FHIT: variants seen among roughly 807,000 people sequenced by gnomAD.
The protein encoded by FHIT is fragile histidine triad diadenosine triphosphatase.
FHIT carries 19 observed loss-of-function variants against 17.9 expected under a neutral mutation model. That is an observed-to-expected ratio of 1.06 (90% CI 0.74 to 1.56). The LOEUF (loss-of-function observed/expected upper bound fraction) is 1.56. Among genes scored for constraint, FHIT ranks in the 40% most tolerant of loss-of-function variants. FHIT has a pLI of 0.00. For synonymous variants in FHIT, 81 were observed against 69.7 expected, an observed-to-expected ratio of 1.16 and a Z score of -0.81; for missense variants, 248 against 189.2, an observed-to-expected ratio of 1.31 and a Z score of -1.82.
At chr3:61,087,901 CAA>C (rs1371900357) in intron 2 of FHIT, among the ~76,000 whole-genome samples, 1 of 152,016 alleles carries the variant, frequency 6.6e-6, no homozygotes, top group Non-Finnish European at 1.5e-5. Flanking sequence ...CAGTATCTCA[CAA>C]AATTGAAAGG....
intron 3 of FHIT, among the ~76,000 whole-genome samples, chr3:60,970,000 G>A (rs1023291295): frequency 6.6e-6 from 1 of 151,988 alleles, no homozygotes; most frequent in African/African-American, 2.4e-5. Flanking sequence ...GAATTTTTTG[G>A]TTTTGTAGAG....
At chr3:61,005,158 G>C (rs556794084) in intron 3 of FHIT, among the ~76,000 whole-genome samples, 1 of 152,228 alleles carries the variant, frequency 6.6e-6, no homozygotes, top group East Asian at 1.9e-4. Context: ...AGTAAATGAA[G>C]CTCAGATATG....
chr3:60,361,060 G>A (rs1699886754), intron 5 of FHIT, among the ~76,000 whole-genome samples: 1 of 152,124 alleles, frequency 6.6e-6, no homozygotes. Flanking sequence ...TCCTGGTGAT[G>A]GCTCCCTGTT....
chr3:59,857,517 T>C (rs1180084132), intron 8 of FHIT, among the ~76,000 whole-genome samples: 1 of 129,264 alleles, frequency 7.7e-6, no homozygotes, highest in East Asian at 2.3e-4. Flanking sequence ...TCTTTCATAT[T>C]TTCATAGGAC....
intron 5 of FHIT, among the ~76,000 whole-genome samples, chr3:60,030,111 T>C (rs1472705578): frequency 1.3e-5 from 2 of 152,164 alleles, no homozygotes; most frequent in Non-Finnish European, 2.9e-5. Context: ...TCCTGAACTC[T>C]GAATGCATCA....
At chr3:61,062,580 C>T (rs60760483) in intron 2 of FHIT, among the ~76,000 whole-genome samples, 7,669 of 152,174 alleles carry the variant, frequency 0.05, 626 homozygotes, top group African/African-American at 0.17. Flanking sequence ...GACTCTCCAA[C>T]GTCAGTAGAG....
chr3:61,040,008 G>A (rs1482102582), intron 3 of FHIT, among the ~76,000 whole-genome samples: 1 of 152,166 alleles, frequency 6.6e-6, no homozygotes, highest in Non-Finnish European at 1.5e-5. Context: ...AAGAGCATCA[G>A]AATGAAATAA....
intron 5 of FHIT, among the ~76,000 whole-genome samples, chr3:60,206,010 A>G (rs1158383153): frequency 2.0e-5 from 3 of 151,054 alleles, no homozygotes; most frequent in Non-Finnish European, 3.0e-5. Flanking sequence ...GCAGGCACCT[A>G]TAGTCCCAGC....
intron 7 of FHIT, among the ~76,000 whole-genome samples, chr3:59,956,522 G>C (rs1346319912): frequency 6.6e-6 from 1 of 152,088 alleles, no homozygotes; most frequent in African/African-American, 2.4e-5. Flanking sequence ...ACAAACATTA[G>C]CTGGGCTTGG....
chr3:59,961,010 C>G (rs965849163), intron 7 of FHIT, among the ~76,000 whole-genome samples: 7 of 152,168 alleles, frequency 4.6e-5, no homozygotes, highest in Non-Finnish European at 7.3e-5. Flanking sequence ...TTGATTCATT[C>G]ATTTCGTGAA....
chr3:60,802,879 A>C (rs782139651), intron 4 of FHIT, among the ~76,000 whole-genome samples: 30 of 152,216 alleles, frequency 2.0e-4, no homozygotes, highest in Non-Finnish European at 2.9e-5. Context: ...TAAAGCCTCC[A>C]TCTTTCCTGA....
intron 8 of FHIT, among the ~76,000 whole-genome samples, chr3:59,842,160 T>C (rs1701557958): frequency 6.6e-6 from 1 of 152,182 alleles, no homozygotes; most frequent in Non-Finnish European, 1.5e-5. Context: ...TCATACAGTA[T>C]TTGTCTTTTA....
intron 5 of FHIT, among the ~76,000 whole-genome samples, chr3:60,052,734 G>A (rs1480264194): frequency 1.4e-5 from 2 of 148,126 alleles, no homozygotes; most frequent in Non-Finnish European, 3.0e-5. Flanking sequence ...ATGGGAAAAA[G>A]TATGTCTAAA....
chr3:61,040,796 C>T (rs1031336261), intron 3 of FHIT, among the ~76,000 whole-genome samples: 3 of 152,170 alleles, frequency 2.0e-5, no homozygotes, highest in Non-Finnish European at 4.4e-5. Flanking sequence ...ATGGCAACAA[C>T]ACAATAAGAG....
At chr3:60,171,364 G>C (rs958043804) in intron 5 of FHIT, among the ~76,000 whole-genome samples, 1 of 152,108 alleles carries the variant, frequency 6.6e-6, no homozygotes, top group Non-Finnish European at 1.5e-5. Flanking sequence ...TGTACTTGGA[G>C]CCTTTGGGTG....
chr3:60,039,131 A>G (rs1259729215), intron 5 of FHIT, among the ~76,000 whole-genome samples: 7 of 152,142 alleles, frequency 4.6e-5, no homozygotes, highest in Admixed American at 3.9e-4. Context: ...CTGGCTCCTT[A>G]AGGTGTTTCC....
intron 4 of FHIT, among the ~76,000 whole-genome samples, chr3:60,558,627 A>T (rs1161339410): frequency 6.6e-6 from 1 of 152,098 alleles, no homozygotes; most frequent in African/African-American, 2.4e-5. Flanking sequence ...CAGTCAAAAA[A>T]GTAAAAGTTG....
chr3:60,735,726 T>C (rs566499892), intron 4 of FHIT, among the ~76,000 whole-genome samples: 1 of 152,318 alleles, frequency 6.6e-6, no homozygotes, highest in Non-Finnish European at 1.5e-5. Flanking sequence ...GCTCTTAACT[T>C]TATAGATAGG....
chr3:60,346,882 T>C (rs1710807175), intron 5 of FHIT, among the ~76,000 whole-genome samples: 1 of 152,194 alleles, frequency 6.6e-6, no homozygotes, highest in African/African-American at 2.4e-5. Context: ...TTCTTAGAAA[T>C]TTTATGTTTT....
Sources: gnomAD v4.1 joint callset for allele counts (sites outside exome capture counted in the v4.1 genomes callset) on GRCh38, gnomAD v4.1.1 for gene constraint, MANE v1.5 for transcripts, NCBI Gene and HGNC (gene_info 2026-07-23, HGNC 2026-07-21) for gene names.